SBNO2: variants seen among roughly 807,000 people sequenced by gnomAD.
SBNO2 encodes the protein protein strawberry notch homolog 2.
SBNO2 carries 89 observed loss-of-function variants against 146.3 expected under a neutral mutation model. The observed-to-expected ratio is 0.61, with a 90% CI of 0.51 to 0.73. The LOEUF (loss-of-function observed/expected upper bound fraction) is 0.73, where lower values mean the gene tolerates loss of function less well. Ranked by LOEUF, SBNO2 falls within the 30% of genes least tolerant of loss-of-function variation. The pLI, the probability that SBNO2 is intolerant of heterozygous loss-of-function variation, is 0.00. For missense variants in SBNO2, 2,092 were observed against 2,003.7 expected, an observed-to-expected ratio of 1.04 and a Z score of -0.84; for synonymous variants, 1,147 against 892.6, an observed-to-expected ratio of 1.29 and a Z score of -5.08.
intron 5 of SBNO2, among the ~76,000 whole-genome samples, chr19:1,125,651 C>T (rs943196030): frequency 2.7e-5 from 4 of 150,320 alleles, no homozygotes; most frequent in East Asian, 1.9e-4. Context: ...CCAGCCTGGG[C>T]GACAAGAGCG....
intron 4 of SBNO2, among the ~76,000 whole-genome samples, chr19:1,143,156 G>A (rs1451629180): frequency 2.0e-5 from 3 of 152,008 alleles, no homozygotes; most frequent in African/African-American, 4.8e-5. Flanking sequence ...GTTTCCCCTC[G>A]CTCCCGTGAA....
chr19:1,108,354 G>C lies in SBNO2; in HGVS notation c.3967C>G (p.Leu1323Val). 1 of 1,298,508 alleles carries C rather than the reference G, an allele frequency of 7.7e-7. No homozygotes were observed. 80.4% of individuals were successfully genotyped at this position (1,298,508 alleles called of 1,614,324 possible). The change falls in exon 32 of 32, where the codon CTG becomes GTG. Residue 1323 changes from leucine to valine, a missense_variant. Coordinates refer to ENST00000361757, the MANE Select transcript of SBNO2 (RefSeq NM_014963.3). ...KEVLEDMLRS[L>V]HAGPPSEGAL... is the part of the protein sequence containing the mutation. The stretch of plus-strand genomic sequence containing the variant: ...CCCTCGGAGGGCGGCCCCGCGTGCA[G>C]CGAGCGCAGCATGTCCTCCAGCACC...
intron 1 of SBNO2, among the ~76,000 whole-genome samples, chr19:1,160,598 CG>C (rs917126239): frequency 7.2e-5 from 11 of 152,010 alleles, no homozygotes; most frequent in Non-Finnish European, 1.3e-4. Flanking sequence ...CTGGGGGTCT[CG>C]GCTCACTGCA....
At chr19:1,113,729 G>A (rs2145198252) in intron 18 of SBNO2, 25 bp from the exon 19 acceptor site, 3 of 1,478,046 alleles carry the variant, frequency 2.0e-6, no homozygotes, top group Admixed American at 2.6e-5. Context: ...GAGGGTCAGG[G>A]CAGGACATGT....
intron 1 of SBNO2, among the ~76,000 whole-genome samples, chr19:1,171,158 C>T (rs1287526954): frequency 1.3e-5 from 2 of 151,952 alleles, no homozygotes; most frequent in African/African-American, 2.4e-5. Flanking sequence ...ATAAAACACA[C>T]GCGTATGAAA....
At chr19:1,132,009 G>C (rs890594002) in intron 4 of SBNO2, 4 of 1,118,092 alleles carry the variant, frequency 3.6e-6, no homozygotes, top group Non-Finnish European at 4.9e-6. Flanking sequence ...TCCGGCAGGG[G>C]GCCCGGCCGT....
chr19:1,127,486 G>A (rs1555722298), intron 5 of SBNO2, 118 bp downstream of exon 5: 3 of 976,020 alleles, frequency 3.1e-6, no homozygotes, highest in Non-Finnish European at 4.7e-6. Context: ...ACAGTGACAG[G>A]CACAGCCATT....
chr19:1,145,116 G>GGGAGAGAGAGATTGAGAGGGAT (rs2080177194), intron 4 of SBNO2, among the ~76,000 whole-genome samples: 1 of 151,754 alleles, frequency 6.6e-6, no homozygotes, highest in African/African-American at 2.4e-5. Context: ...TTGAGAGGGA[G>GGGAGAGAGAGATTGAGAGGGAT]GGAGACAGAG....
At chr19:1,134,232 A>G (rs1599853295) in intron 4 of SBNO2, among the ~76,000 whole-genome samples, 1 of 142,266 alleles carries the variant, frequency 7.0e-6, no homozygotes, top group Non-Finnish European at 1.6e-5. Context: ...CACAGGACCT[A>G]CAGCTCACGG....
chr19:1,141,494 C>G (rs1464410197), intron 4 of SBNO2, among the ~76,000 whole-genome samples: 1 of 152,058 alleles, frequency 6.6e-6, no homozygotes, highest in Non-Finnish European at 1.5e-5. Context: ...GGGTTACAAG[C>G]TTGAGCACTG....
intron 1 of SBNO2, among the ~76,000 whole-genome samples, chr19:1,169,509 G>A (rs1181215332): frequency 6.6e-6 from 1 of 152,212 alleles, no homozygotes; most frequent in Non-Finnish European, 1.5e-5. Flanking sequence ...GGGCCCCTTC[G>A]AGTAGAATGC....
chr19:1,165,118 C>A (rs898377976), intron 1 of SBNO2, among the ~76,000 whole-genome samples: 2 of 152,124 alleles, frequency 1.3e-5, no homozygotes, highest in African/African-American at 4.8e-5. Context: ...GATCCAGCAA[C>A]CCCTGCGCAG....
At chr19:1,122,637 C>A (rs1568577418) in intron 9 of SBNO2, 21 bp downstream of exon 9, 6 of 1,527,496 alleles carry the variant, frequency 3.9e-6, no homozygotes, top group Non-Finnish European at 5.3e-6. Flanking sequence ...CTCCCGCCCC[C>A]TGCCCCAGGC....
rs1233339756 is a variant in SBNO2, at chr19:1,136,829, G to C, written c.280-9064C>G. ...CTTTTCTGAGCCGTGAGCTCATCCT[G>C]AGCTTCCCAGAAGCCCCCGGGCTGC... is the stretch of plus-strand genomic sequence containing the variant. On this transcript the variant is annotated intron_variant, in intron 4 of 31. Transcript: ENST00000361757. The surrounding 1 kb of genome is among the most constrained non-coding windows in gnomAD (Gnocchi z 4.2). 6.6e-6 allele frequency among the ~76,000 whole-genome samples: 1 copy of C among 152,110 alleles called. No homozygotes were observed. The highest frequency in any genetic ancestry group is 2.1e-4 in the South Asian group (1 of 4,826).
At position 1,108,950 on chromosome 19, in the gene SBNO2, C is replaced by T; in HGVS notation, c.3445G>A (p.Ala1149Thr). 2 of 1,549,562 alleles carry T rather than the reference C, an allele frequency of 1.3e-6. No individual in the cohort carries two copies. Among genetic ancestry groups the T allele is most frequent in the Non-Finnish European group, 1.7e-6 (2 of 1,154,274 alleles). Reference sequence around the variant, plus strand: ...TGCAGGCAGTCCTTACCCTCCTGCGCCAGCCGGCAGTGCCGGTTCCTGCGG... The same window carrying T: ...TGCAGGCAGTCCTTACCCTCCTGCGTCAGCCGGCAGTGCCGGTTCCTGCGG... ...HSAWNRHCRL[A>T]QEGKDCLQGL... Residue 1149 changes from alanine (A) to threonine (T), a missense_variant, in exon 31 of 32, where the codon GCG becomes ACG. Transcript: ENST00000361757.
At chr19:1,129,640 C>T (rs2080005736) in intron 4 of SBNO2, among the ~76,000 whole-genome samples, 1 of 152,192 alleles carries the variant, frequency 6.6e-6, no homozygotes, top group Non-Finnish European at 1.5e-5. Context: ...TGCAGAGGGC[C>T]TGGTCACGCT....
chr19:1,113,257 G>A (rs2079789060), intron 19 of SBNO2, among the ~76,000 whole-genome samples: 1 of 152,156 alleles, frequency 6.6e-6, no homozygotes. Context: ...CCCAAGGGGT[G>A]CGTTCAGGCA....
chr19:1,111,325 AC>A (rs1426046473), intron 24 of SBNO2, among the ~76,000 whole-genome samples, 180 bp downstream of exon 24: 1 of 151,970 alleles, frequency 6.6e-6, no homozygotes, highest in African/African-American at 2.4e-5. Context: ...CTGGAAACCC[AC>A]CCGGCAGCTG....
chr19:1,135,885 C>T (rs1016529333), intron 4 of SBNO2, among the ~76,000 whole-genome samples: 2 of 152,166 alleles, frequency 1.3e-5, no homozygotes, highest in Non-Finnish European at 2.9e-5. Context: ...AAGGGCCCCT[C>T]AGCAGGCCTG....
Sources: gnomAD v4.1 joint callset for allele counts (sites outside exome capture counted in the v4.1 genomes callset) on GRCh38, gnomAD v4.1.1 for gene constraint, Gnocchi (gnomAD v3.1) non-coding constraint, MANE v1.5 for transcripts, NCBI Gene and HGNC (gene_info 2026-07-23, HGNC 2026-07-21) for gene names.